Variants in SNTG1 observed in about 807,000 individuals in gnomAD.
SNTG1 encodes the protein syntrophin gamma 1, also known as gamma-1-syntrophin.
In SNTG1, 39 loss-of-function variants were observed where a neutral mutation model predicts 74.7. The observed-to-expected ratio is 0.52, with a 90% CI of 0.40 to 0.68. The LOEUF is 0.68. Among genes scored for constraint, SNTG1 ranks in the 30% least tolerant of loss-of-function variants. SNTG1 has a pLI of 0.00. For synonymous variants in SNTG1, 254 were observed against 217.1 expected, an observed-to-expected ratio of 1.17 and a Z score of -1.49; for missense variants, 685 against 609.5, an observed-to-expected ratio of 1.12 and a Z score of -1.30.
rs115417315 is a variant in SNTG1, at chr8:49,990,500, G to T, written c.-103+78269G>T. ...ATCCCCTAAAAGAACAATGTTAGAGGCCTCACAATTTCTTACTTCTTGTAT... is the reference window on the plus strand; with the variant it reads ...ATCCCCTAAAAGAACAATGTTAGAGTCCTCACAATTTCTTACTTCTTGTAT... On this transcript the variant is annotated intron_variant, in intron 1 of 18. Transcript: ENST00000642720. Among the ~76,000 whole-genome samples the T allele has an allele frequency of 3.2e-3, 488 of 151,932 alleles. 1 individual carries two copies. Among genetic ancestry groups the T allele is most frequent in the African/African-American group, 0.011 (471 of 41,492 alleles).
At chr8:50,489,140 G>A (rs969616458) in intron 8 of SNTG1, among the ~76,000 whole-genome samples, 2 of 152,200 alleles carry the variant, frequency 1.3e-5, no homozygotes, top group Non-Finnish European at 2.9e-5. Context: ...GTATTCCATG[G>A]TGTATATGTG....
chr8:50,497,916 C>T (rs561370972), intron 8 of SNTG1, among the ~76,000 whole-genome samples: 1 of 151,984 alleles, frequency 6.6e-6, no homozygotes, highest in East Asian at 1.9e-4. Flanking sequence ...TATTTATTCA[C>T]CTGGTATCAT....
intron 2 of SNTG1, among the ~76,000 whole-genome samples, chr8:50,362,521 T>C (rs11993995): frequency 0.052 from 7,957 of 152,186 alleles, 462 homozygotes; most frequent in South Asian, 0.17. Context: ...ATAGTCTTTT[T>C]TTTTTACTAA....
At chr8:50,296,585 G>A (rs1290995054) in intron 2 of SNTG1, among the ~76,000 whole-genome samples, 1 of 152,064 alleles carries the variant, frequency 6.6e-6, no homozygotes, top group Admixed American at 6.6e-5. Context: ...ACACAGGGAG[G>A]GAACAACACA....
At chr8:50,517,616 C>CAAAAAAAAAAAAAAAAA (rs1161724778) in intron 9 of SNTG1, among the ~76,000 whole-genome samples, 13 of 62,302 alleles carry the variant, frequency 2.1e-4, no homozygotes, top group African/African-American at 3.1e-4. Context: ...AAATGGAAAG[C>CAAAAAAAAAAAAAAAAA]AAAAAAAAAA....
At chr8:50,264,961 A>C (rs1161844645) in intron 2 of SNTG1, among the ~76,000 whole-genome samples, 1 of 152,134 alleles carries the variant, frequency 6.6e-6, no homozygotes, top group Non-Finnish European at 1.5e-5. Flanking sequence ...TAGACCTATA[A>C]ATAATAAAGA....
chr8:50,247,210 T>TG (rs1055653776), intron 2 of SNTG1, among the ~76,000 whole-genome samples: 3 of 152,182 alleles, frequency 2.0e-5, no homozygotes, highest in African/African-American at 7.2e-5. Flanking sequence ...TCATGAACAT[T>TG]GTCTCATCCC....
At chr8:50,063,398 G>T (rs1008131344) in intron 1 of SNTG1, among the ~76,000 whole-genome samples, 1 of 152,128 alleles carries the variant, frequency 6.6e-6, no homozygotes, top group African/African-American at 2.4e-5. Context: ...ATGCTTATGA[G>T]GACAATTATG....
intron 2 of SNTG1, among the ~76,000 whole-genome samples, chr8:50,312,961 T>A (rs1315720438): frequency 6.7e-6 from 1 of 149,904 alleles, no homozygotes; most frequent in Non-Finnish European, 1.5e-5. Flanking sequence ...GGAGAATTAA[T>A]ATTGTTAAAA....
chr8:50,615,234 A>G (rs1445448329), intron 13 of SNTG1, among the ~76,000 whole-genome samples: 4 of 152,192 alleles, frequency 2.6e-5, no homozygotes, highest in African/African-American at 9.7e-5. Flanking sequence ...TGCTGGGATT[A>G]CAGGCATGAG....
intron 2 of SNTG1, among the ~76,000 whole-genome samples, chr8:50,179,638 T>G (rs554757109): frequency 6.6e-5 from 10 of 152,132 alleles, no homozygotes; most frequent in Admixed American, 1.3e-4. Context: ...AATAGACGTT[T>G]TTCGAAGAAA....
intron 2 of SNTG1, among the ~76,000 whole-genome samples, chr8:50,376,163 C>T (rs1395957808): frequency 6.6e-6 from 1 of 152,150 alleles, no homozygotes; most frequent in Non-Finnish European, 1.5e-5. Flanking sequence ...TCTGCTGCAC[C>T]ATAATTGTCT....
chr8:50,084,604 TA>T (rs1177205786), intron 1 of SNTG1, among the ~76,000 whole-genome samples: 4 of 152,238 alleles, frequency 2.6e-5, no homozygotes, highest in Non-Finnish European at 4.4e-5. Context: ...TATTGTGCTA[TA>T]ACATCTAAAA....
At chr8:50,044,795 T>C (rs1818940877) in intron 1 of SNTG1, among the ~76,000 whole-genome samples, 1 of 152,206 alleles carries the variant, frequency 6.6e-6, no homozygotes, top group Non-Finnish European at 1.5e-5. Context: ...ACTTTTGATC[T>C]CACAAGGACA....
intron 4 of SNTG1, among the ~76,000 whole-genome samples, chr8:50,416,392 C>T (rs1160065975): frequency 6.6e-6 from 1 of 152,076 alleles, no homozygotes; most frequent in Non-Finnish European, 1.5e-5. Flanking sequence ...ATCCACATAG[C>T]CAATATGTCA....
chr8:50,430,082 G>T (rs930169415), intron 4 of SNTG1, among the ~76,000 whole-genome samples: 1 of 152,066 alleles, frequency 6.6e-6, no homozygotes, highest in Non-Finnish European at 1.5e-5. Flanking sequence ...ATATGCAAGA[G>T]AAATTTTTAC....
chr8:50,075,134 G>A (rs1249814407), intron 1 of SNTG1, among the ~76,000 whole-genome samples: 4 of 152,168 alleles, frequency 2.6e-5, no homozygotes, highest in Admixed American at 6.5e-5. Flanking sequence ...TGCCATGCCC[G>A]AGCCTCTCCG....
intron 15 of SNTG1, among the ~76,000 whole-genome samples, chr8:50,686,759 A>G (rs1164822003): frequency 6.6e-6 from 1 of 152,204 alleles, no homozygotes; most frequent in African/African-American, 2.4e-5. Context: ...ACAGACAATT[A>G]TAAGTAATAG....
chr8:50,651,560 C>A (rs566171060), intron 13 of SNTG1, among the ~76,000 whole-genome samples: 4 of 145,680 alleles, frequency 2.7e-5, no homozygotes, highest in African/African-American at 7.7e-5. Context: ...CAGGTTCAAG[C>A]GATTCTCCTG....
Sources: allele counts gnomAD v4.1 joint callset (sites outside exome capture counted in the v4.1 genomes callset), GRCh38; gene constraint gnomAD v4.1.1; transcripts MANE v1.5; gene names NCBI Gene and HGNC (gene_info 2026-07-23, HGNC 2026-07-21).